SCG2: variants seen among roughly 807,000 people sequenced by gnomAD.
The protein encoded by SCG2 is secretogranin II.
SCG2 carries 23 observed loss-of-function variants against 49.5 expected under a neutral mutation model. The observed-to-expected ratio is 0.46, with a 90% CI of 0.33 to 0.66. The LOEUF is 0.66. Among genes scored for constraint, SCG2 ranks in the 30% least tolerant of loss-of-function variants. The pLI is 0.01. For missense variants in SCG2, 730 were observed against 728.2 expected (o/e 1.00, Z -0.03); for synonymous variants, 288 against 260.4 (o/e 1.11, Z -1.02).
Position 223,598,178 on chromosome 2 carries a change from G to A in SCG2, c.1105C>T (p.Leu369Phe). The A allele has an allele frequency of 6.2e-7, 1 of 1,614,028 alleles. No individual in the cohort carries two copies. Among genetic ancestry groups the A allele is most frequent in the Non-Finnish European group, 8.5e-7 (1 of 1,179,992 alleles). The change falls in exon 2 of 2, where the codon CTC (leucine) becomes TTC (phenylalanine). Residue 369 changes from leucine (L) to phenylalanine (F), a missense_variant. By Grantham distance (22) the Leu-to-Phe change is conservative. Transcript: ENST00000305409. ...CCATTCGGCTTCTCCCCAGTTTTGA[G>A]CATCTCAATTAAGTCTTCTGGGGGT... ...QIPPEDLIEM[L>F]KTGEKPNGSV...
In SCG2 at chr2:223,598,104, G is replaced by C. The variant is rs751841754; in HGVS notation, c.1179C>G (p.Asp393Glu). The C allele has an allele frequency of 9.3e-6, 15 of 1,606,916 alleles. No individual in the cohort carries two copies. In the East Asian group the frequency reaches 3.1e-4, roughly 33 times the overall value. Residue 393 changes from aspartate to glutamate, a missense_variant, in exon 2 of 2, where the codon GAC (aspartate) becomes GAG (glutamate). Physicochemically the swap from Asp to Glu is conservative, Grantham distance 45. Transcript: ENST00000305409. ...GATGGTCTAAGTCAGCCTCTGAGAT[G>C]TCATCTAGGTCAACAGGAAGGTCAA... ...RELDLPVDLDDISEADLDHPD... is the reference protein window; with the variant it reads ...RELDLPVDLDEISEADLDHPD...
chr2:223,600,511 C>T (rs115518528), intron 1 of SCG2, among the ~76,000 whole-genome samples: 3,051 of 152,162 alleles, frequency 0.02, 106 homozygotes, highest in African/African-American at 0.068. Context: ...TTAATATTGG[C>T]TATTTTGTTG....
chr2:223,598,525 A>C lies in SCG2; in HGVS notation c.758T>G (p.Val253Gly). The C allele has an allele frequency of 2.5e-6, 4 of 1,613,566 alleles. No individual in the cohort carries two copies. Among genetic ancestry groups the C allele is most frequent in the Non-Finnish European group, 3.4e-6 (4 of 1,179,950 alleles). ...GGTTTGACTCTCTATTTTCTCCTCT[A>C]CTGGGTTCCAGTCTTCTCCCCCGAC... ...DVVGGEDWNP[V>G]EEKIESQTQE... Residue 253 changes from valine to glycine, a missense_variant, in exon 2 of 2, where the codon GTA (valine) becomes GGA (glycine). By Grantham distance (109) the Val-to-Gly change is moderately radical. Transcript: ENST00000305409.
intron 1 of SCG2, among the ~76,000 whole-genome samples, chr2:223,599,861 T>C (rs1458927875): frequency 6.6e-6 from 1 of 152,186 alleles, no homozygotes; most frequent in Non-Finnish European, 1.5e-5. Flanking sequence ...GACAAAGTAA[T>C]ACTTTTATAT....
Position 223,598,606 on chromosome 2 carries a change from T to C in SCG2, c.677A>G (p.Tyr226Cys), listed in dbSNP as rs1691340913. The change falls in exon 2 of 2, where the codon TAT becomes TGT. Residue 226 changes from tyrosine to cysteine, a missense_variant. By Grantham distance (194) the Tyr-to-Cys change is radical. Transcript: ENST00000305409. ...GTAGATATCATCTTCATCATCCGTA[T>C]AAAGTTTTTGCTCCTCATCCATCCT... ...RERMDEEQKL[Y>C]TDDEDDIYKA... 6.2e-7 allele frequency: 1 copy of C among 1,614,070 alleles called. No homozygotes were observed. Among genetic ancestry groups the C allele is most frequent in the Non-Finnish European group, 8.5e-7 (1 of 1,180,060 alleles).
rs1559237531 is a variant in SCG2 at position 223,598,468 on chromosome 2, A to G, written c.815T>C (p.Ile272Thr). The G allele has an allele frequency of 2.5e-6, 4 of 1,613,598 alleles. No homozygotes were observed. The highest frequency in any genetic ancestry group is 3.4e-6 in the Non-Finnish European group (4 of 1,179,890). The change falls in exon 2 of 2, where the codon ATA (isoleucine) becomes ACA (threonine). Residue 272 changes from isoleucine to threonine, a missense_variant. Ile to Thr is a moderately conservative substitution (Grantham distance 89). Transcript: ENST00000305409. ...ATCGTTGATTTGTTCATTTTTTTCT[A>G]TATTCTCTTTGCTGTCTCTCACCTC... ...QEEVRDSKEN[I>T]EKNEQINDEM...
chr2:223,598,902 A>G lies in SCG2; in HGVS notation c.381T>C (p.Ser127=). Reference sequence around the variant, plus strand: ...CATAGGGCTTATTTTCTTTTGGTGCAGACTGAGGCTCATTTTCAGCCTGTC... The same window carrying G: ...CATAGGGCTTATTTTCTTTTGGTGCGGACTGAGGCTCATTTTCAGCCTGTC... ...ALRQAENEPQ[S]APKENKPYAL... The change falls in exon 2 of 2, where the codon TCT becomes TCC. Residue 127 remains serine (S), a synonymous_variant. Transcript: ENST00000305409. 6.2e-7 allele frequency: 1 copy of G among 1,614,176 alleles called. No homozygotes were observed. The highest frequency in any genetic ancestry group is 8.5e-7 in the Non-Finnish European group (1 of 1,180,018).
intron 1 of SCG2, among the ~76,000 whole-genome samples, chr2:223,600,763 G>A (rs762865907): frequency 2.6e-5 from 4 of 152,020 alleles, no homozygotes; most frequent in South Asian, 2.1e-4. Flanking sequence ...AATGATTCAC[G>A]TTTACCAGAG....
At chr2:223,601,165 A>G (rs1574634539) in intron 1 of SCG2, among the ~76,000 whole-genome samples, 1 of 152,132 alleles carries the variant, frequency 6.6e-6, no homozygotes, top group Admixed American at 6.5e-5. Flanking sequence ...TTGCTTAACT[A>G]TTCAGCTTCA....
rs1169477866 is a variant in SCG2 at position 223,597,626 on chromosome 2, G to C, written c.1657C>G (p.Gln553Glu). The C allele has an allele frequency of 1.2e-6, 2 of 1,613,924 alleles. No individual in the cohort carries two copies. Among genetic ancestry groups the C allele is most frequent in the South Asian group, 1.1e-5 (1 of 91,062 alleles). The change falls in exon 2 of 2, where the codon CAA becomes GAA. Residue 553 changes from glutamine to glutamate, a missense_variant. Physicochemically the swap from Gln to Glu is conservative, Grantham distance 29 (BLOSUM62 2). Coordinates refer to ENST00000305409, the MANE Select transcript of SCG2 (RefSeq NM_003469.5). Reference sequence around the variant, plus strand: ...TTGTCAGTCTCCTGAGAGCTGCCTTGATTCAAATGCTCTTTGATGGCCTGC... The same window carrying C: ...TTGTCAGTCTCCTGAGAGCTGCCTTCATTCAAATGCTCTTTGATGGCCTGC... ...IEQAIKEHLN[Q>E]GSSQETDKLA... is the part of the protein sequence containing the mutation.
rs763214297 is a variant in SCG2, at chr2:223,598,529, G to C, written c.754C>G (p.Pro252Ala). Residue 252 changes from proline (P) to alanine (A), a missense_variant, in exon 2 of 2, where the codon CCA becomes GCA. Coordinates refer to ENST00000305409, the MANE Select transcript of SCG2 (RefSeq NM_003469.5). ...EDVVGGEDWN[P>A]VEEKIESQTQ... ...TGACTCTCTATTTTCTCCTCTACTG[G>C]GTTCCAGTCTTCTCCCCCGACCACA... 23 of 1,613,552 alleles carry C rather than the reference G, an allele frequency of 1.4e-5. No individual in the cohort carries two copies. The highest frequency in any genetic ancestry group is 1.8e-5 in the Non-Finnish European group (21 of 1,179,984).
chr2:223,599,007 T>C lies in SCG2; in HGVS notation c.276A>G (p.Glu92=), dbSNP rs750350210. ...CGGGCAAGTGGCTTTCATCGCCATT[T>C]TCTTTTTGCTGAAGGGGGACAGAGA... The part of the protein sequence containing the change: ...QGVSVPLQQK[E]NGDESHLPER... The change falls in exon 2 of 2, where the codon GAA becomes GAG. Residue 92 remains glutamate, a synonymous_variant. Transcript: ENST00000305409. The C allele has an allele frequency of 1.9e-6, 3 of 1,614,220 alleles. No individual in the cohort carries two copies. The highest frequency in any genetic ancestry group is 2.5e-6 in the Non-Finnish European group (3 of 1,180,030).
chr2:223,599,049 A>G lies in SCG2; in HGVS notation c.234T>C (p.Tyr78=), dbSNP rs781580526. Residue 78 remains tyrosine, a synonymous_variant, in exon 2 of 2, where the codon TAT becomes TAC. Coordinates refer to ENST00000305409, the MANE Select transcript of SCG2 (RefSeq NM_003469.5). Reference sequence around the variant, plus strand: ...GGACAGAGACACCTTGGTAGGGATTATAATCTGGGCTGCTTTCTTCCTTAT... The same window carrying G: ...GGACAGAGACACCTTGGTAGGGATTGTAATCTGGGCTGCTTTCTTCCTTAT... ...QAHKEESSPD[Y]NPYQGVSVPL... The G allele has an allele frequency of 1.2e-6, 2 of 1,614,184 alleles. No homozygotes were observed. Among genetic ancestry groups the G allele is most frequent in the East Asian group, 4.5e-5 (2 of 44,888 alleles).
At position 223,597,664 on chromosome 2, in the gene SCG2, T is replaced by C. The variant is rs148520793; in HGVS notation, c.1619A>G (p.Glu540Gly). 3.0e-4 allele frequency: 482 copies of C among 1,614,180 alleles called. 6 individuals carry two copies. The East Asian group carries it at 9.0e-3, about 30-fold the overall frequency. ...QGSSEDDLQEEEQIEQAIKEH... is the reference protein window; with the variant it reads ...QGSSEDDLQEGEQIEQAIKEH... ...TTTGATGGCCTGCTCAATTTGTTCC[T>C]CTTCCTGCAGGTCATCTTCAGATGA... Residue 540 changes from glutamate (E) to glycine (G), a missense_variant, in exon 2 of 2, where the codon GAG becomes GGG. By Grantham distance (98) the Glu-to-Gly change is moderately conservative. Coordinates refer to ENST00000305409, the MANE Select transcript of SCG2 (RefSeq NM_003469.5).
At chr2:223,599,941 A>G (rs895087258) in intron 1 of SCG2, among the ~76,000 whole-genome samples, 7 of 152,302 alleles carry the variant, frequency 4.6e-5, no homozygotes, top group African/African-American at 1.7e-4. Flanking sequence ...CTTGTTCTCA[A>G]TCTGATACCG....
In SCG2 at chr2:223,598,370, C is replaced by T. The variant is rs1168140681; in HGVS notation, c.913G>A (p.Asp305Asn). ...TAGGCAATTACTTTGGAGACATCAT[C>T]TGAGAGTTGGTCTTTACTCTCTTTC... ...LRKESKDQLS[D>N]DVSKVIAYLK... is the part of the protein sequence containing the mutation. The change falls in exon 2 of 2, where the codon GAT (aspartate) becomes AAT (asparagine). Residue 305 changes from aspartate to asparagine, a missense_variant. Transcript: ENST00000305409. The T allele has an allele frequency of 3.7e-6, 6 of 1,614,082 alleles. No homozygotes were observed. The highest frequency in any genetic ancestry group is 1.7e-5 in the Admixed American group (1 of 60,028).
Position 223,598,012 on chromosome 2 carries a change from G to A in SCG2, c.1271C>T (p.Thr424Ile). ...GYPKTPGRAG[T>I]EALPDGLSVE... ...ACTGAGCCCGTCTGGTAGGGCCTCA[G>A]TCCCAGCACGACCAGGTGTTTTAGG... Residue 424 changes from threonine to isoleucine, a missense_variant, in exon 2 of 2, where the codon ACT becomes ATT. Transcript: ENST00000305409. 6.2e-7 allele frequency: 1 copy of A among 1,613,426 alleles called. No individual in the cohort carries two copies. Among genetic ancestry groups the A allele is most frequent in the Non-Finnish European group, 8.5e-7 (1 of 1,179,682 alleles).
At position 223,598,007 on chromosome 2, in the gene SCG2, C is replaced by T. The variant is rs762489928; in HGVS notation, c.1276G>A (p.Ala426Thr). 3.7e-6 allele frequency: 6 copies of T among 1,613,714 alleles called. No individual in the cohort carries two copies. The highest frequency in any genetic ancestry group is 2.2e-5 in the East Asian group (1 of 44,878). Residue 426 changes from alanine to threonine, a missense_variant, in exon 2 of 2, where the codon GCC becomes ACC. Transcript: ENST00000305409. ...PKTPGRAGTE[A>T]LPDGLSVEDI... ...TCAACACTGAGCCCGTCTGGTAGGGCCTCAGTCCCAGCACGACCAGGTGTT... is the reference window on the plus strand; with the variant it reads ...TCAACACTGAGCCCGTCTGGTAGGGTCTCAGTCCCAGCACGACCAGGTGTT...
chr2:223,597,618 G>GA lies in SCG2; in HGVS notation c.1664_1665insT (p.Ser556LeufsTer5). 7 of 1,614,106 alleles carry GA rather than the reference G, an allele frequency of 4.3e-6. No homozygotes were observed. The highest frequency in any genetic ancestry group is 5.9e-6 in the Non-Finnish European group (7 of 1,180,004). On this transcript the variant is annotated frameshift_variant, in exon 2 of 2. Coordinates refer to ENST00000305409, the MANE Select transcript of SCG2 (RefSeq NM_003469.5). LOFTEE classifies it high-confidence loss of function. ...GGGCCAGCTTGTCAGTCTCCTGAGAGCTGCCTTGATTCAAATGCTCTTTGA... is the reference window on the plus strand; with the variant it reads ...GGGCCAGCTTGTCAGTCTCCTGAGAGACTGCCTTGATTCAAATGCTCTTTGA...
Sources: gnomAD v4.1 joint callset for allele counts (sites outside exome capture counted in the v4.1 genomes callset) on GRCh38, gnomAD v4.1.1 for gene constraint, MANE v1.5 for transcripts, NCBI Gene and HGNC (gene_info 2026-07-23, HGNC 2026-07-21) for gene names.